The following ZNF236 variants were observed in gnomAD, a reference collection of about 807,000 sequenced individuals.
The protein encoded by ZNF236 is regulated by glucose.
A neutral mutation model predicts 191.2 loss-of-function variants in ZNF236; 50 were observed. The observed-to-expected ratio is 0.26, with a 90% CI of 0.21 to 0.33. ZNF236 has a LOEUF of 0.33. ZNF236 is among the 10% of genes least tolerant of loss of function. The pLI, the probability that ZNF236 is intolerant of heterozygous loss-of-function variation, is 1.00. For synonymous variants in ZNF236, 907 were observed against 928.8 expected (o/e 0.98, Z 0.43); for missense variants, 1,754 against 2,374.5 (o/e 0.74, Z 5.43).
chr18:76,916,136 G>A (rs552604715), intron 19 of ZNF236, among the ~76,000 whole-genome samples: 6 of 152,294 alleles, frequency 3.9e-5, no homozygotes, highest in South Asian at 2.1e-4. Flanking sequence ...ATGCTTGGGC[G>A]CGCATGTTGC....
At chr18:76,928,177 T>A in intron 25 of ZNF236, 71 bp downstream of exon 25, 1 of 1,261,926 alleles carries the variant, frequency 7.9e-7, no homozygotes, top group South Asian at 1.6e-5. Flanking sequence ...CTATCTCTTT[T>A]CCTACAATAC....
chr18:76,834,470 C>T (rs1975262526), intron 1 of ZNF236: 1 of 398,360 alleles, frequency 2.5e-6, no homozygotes, highest in East Asian at 6.5e-5. Context: ...TTATATTTGC[C>T]CTTTTACTTT....
intron 3 of ZNF236, among the ~76,000 whole-genome samples, chr18:76,857,797 A>G (rs1330353790): frequency 1.3e-5 from 2 of 152,188 alleles, no homozygotes; most frequent in East Asian, 1.9e-4. Flanking sequence ...GCTTATCATA[A>G]TGTGAAATTT....
chr18:76,879,840 A>G (rs1976827090), intron 7 of ZNF236, among the ~76,000 whole-genome samples: 1 of 152,164 alleles, frequency 6.6e-6, no homozygotes, highest in Non-Finnish European at 1.5e-5. Context: ...CAGGAAGGTG[A>G]GGGTTCACGT....
chr18:76,872,420 G>A (rs1212771054), intron 5 of ZNF236, among the ~76,000 whole-genome samples: 1 of 152,208 alleles, frequency 6.6e-6, no homozygotes, highest in Non-Finnish European at 1.5e-5. Context: ...AGCTATGATC[G>A]TGCCACTGCA....
chr18:76,829,825 G>A (rs190032341), intron 1 of ZNF236, among the ~76,000 whole-genome samples: 5 of 152,248 alleles, frequency 3.3e-5, no homozygotes, highest in East Asian at 1.9e-4. Flanking sequence ...GGCCTTCCCC[G>A]CACTGTCCTG....
chr18:76,915,524 G>T, intron 18 of ZNF236, 123 bp from the exon 19 acceptor site: 36 of 819,164 alleles, frequency 4.4e-5, no homozygotes, highest in South Asian at 7.6e-5. Context: ...ACCAAAGTCT[G>T]TTAAGCCTCA....
intron 26 of ZNF236, among the ~76,000 whole-genome samples, chr18:76,946,531 A>G (rs1351182000): frequency 1.3e-5 from 2 of 152,234 alleles, no homozygotes; most frequent in African/African-American, 4.8e-5. Context: ...ACAGGAGCCA[A>G]GAACATCAGC....
rs373892810 is a variant in ZNF236 at position 76,960,700 on chromosome 18, C to T, written c.5264C>T (p.Thr1755Met). 9.9e-6 allele frequency: 16 copies of T among 1,614,094 alleles called. No homozygotes were observed. The highest frequency in any genetic ancestry group is 2.7e-5 in the African/African-American group (2 of 74,936). ...IHTGERPFHCTLCEKAFNQKS... is the reference protein window; with the variant it reads ...IHTGERPFHCMLCEKAFNQKS... ...ACAGGGGAGCGGCCGTTCCATTGCA[C>T]GCTTTGTGAGAAAGCCTTCAACCAG... Residue 1755 changes from threonine (T) to methionine (M), a missense_variant, in exon 30 of 31, where the codon ACG becomes ATG. By Grantham distance (81) the Thr-to-Met change is moderately conservative. This residue lies in a region of ZNF236 where 606 missense variants were observed against 761.5 expected (regional missense o/e 0.80). Coordinates refer to ENST00000320610, the MANE Select transcript of ZNF236 (RefSeq NM_001306089.2). The surrounding 1 kb of genome is among the most constrained non-coding windows in gnomAD (Gnocchi z 4.4).
chr18:76,951,508 C>T (rs1362327669), intron 27 of ZNF236, among the ~76,000 whole-genome samples: 1 of 152,196 alleles, frequency 6.6e-6, no homozygotes, highest in East Asian at 1.9e-4. Context: ...GCTCCCTCAC[C>T]TCTCGGCCTT....
At chr18:76,951,552 G>C (rs1462735599) in intron 27 of ZNF236, among the ~76,000 whole-genome samples, 1 of 152,208 alleles carries the variant, frequency 6.6e-6, no homozygotes. Context: ...TCTTGCTCTG[G>C]ATTAGGCTTT....
At position 76,871,977 on chromosome 18, in the gene ZNF236, T is replaced by C. The variant is rs1196675595; in HGVS notation, c.667+152T>C. On this transcript the variant is annotated intron_variant, in intron 5 of 30. Transcript: ENST00000320610. ...ATTAGTTACTCTTTGTGTGATTTTA[T>C]TTCCTCACTTGAAAAATGTGGCTCT... 49 of 990,564 alleles carry C rather than the reference T, an allele frequency of 4.9e-5. No individual in the cohort carries two copies. The East Asian group carries it at 1.2e-3, about 24-fold the overall frequency. The allele number at this position is 990,564 out of a possible 1,614,324, so 61.4% of individuals were successfully genotyped here.
At chr18:76,930,630 A>T (rs1172250867) in intron 25 of ZNF236, among the ~76,000 whole-genome samples, 6 of 152,248 alleles carry the variant, frequency 3.9e-5, no homozygotes, top group African/African-American at 1.4e-4. Context: ...ATAGGAACAC[A>T]GCACACGGGA....
At chr18:76,906,677 G>A (rs1399083601) in intron 13 of ZNF236, among the ~76,000 whole-genome samples, 3 of 152,144 alleles carry the variant, frequency 2.0e-5, no homozygotes, top group Non-Finnish European at 4.4e-5. Context: ...CTGTAATTGC[G>A]GGGTCACCTT....
At chr18:76,966,588 G>T (rs1468270524) in intron 30 of ZNF236, among the ~76,000 whole-genome samples, 3 of 152,110 alleles carry the variant, frequency 2.0e-5, no homozygotes, top group South Asian at 4.2e-4. Flanking sequence ...TTTTCCTGCA[G>T]CATGCAGTTC....
At position 76,880,172 on chromosome 18, in the gene ZNF236, A is replaced by G; in HGVS notation, c.1044A>G (p.Ser348=). 1 of 1,614,150 alleles carries G rather than the reference A, an allele frequency of 6.2e-7. No homozygotes were observed. ...QQTEAQATSA[S]SQPSSQAVSD... is the part of the protein sequence containing the mutation. ...CGGAAGCCCAAGCCACGTCGGCCTC[A>G]AGCCAGCCGAGCTCCCAGGCGGTGA... Residue 348 remains serine (S), a synonymous_variant, in exon 8 of 31, where the codon TCA becomes TCG. Coordinates refer to ENST00000320610, the MANE Select transcript of ZNF236 (RefSeq NM_001306089.2). This position sits in a 1 kb window ranked among gnomAD's most constrained non-coding sequence, Gnocchi z 5.0.
intron 5 of ZNF236, among the ~76,000 whole-genome samples, chr18:76,873,626 G>C (rs1184493813): frequency 1.3e-5 from 2 of 152,190 alleles, no homozygotes; most frequent in African/African-American, 4.8e-5. Context: ...TGATGTGAGG[G>C]GGGTGACCAG....
rs745894686 is a variant in ZNF236 at position 76,895,245 on chromosome 18, C to T, written c.1650C>T (p.Ser550=). The change falls in exon 10 of 31, where the codon TCC becomes TCT. Residue 550 remains serine, a synonymous_variant. Coordinates refer to ENST00000320610, the MANE Select transcript of ZNF236 (RefSeq NM_001306089.2). ...GCCAGTACTGCATGAAGAGCTTCTC[C>T]ACCTCTGGCAGCCTCAAGGTGCACA... The part of the protein sequence containing the change: ...FKCQYCMKSF[S]TSGSLKVHIR... The T allele has an allele frequency of 1.3e-5, 21 of 1,599,790 alleles. No homozygotes were observed. Among genetic ancestry groups the T allele is most frequent in the Non-Finnish European group, 1.7e-5 (20 of 1,179,940 alleles).
At chr18:76,894,032 G>A (rs1977324580) in intron 9 of ZNF236, among the ~76,000 whole-genome samples, 4 of 152,190 alleles carry the variant, frequency 2.6e-5, no homozygotes, top group African/African-American at 9.7e-5. Context: ...TTTCATTAAT[G>A]TGGGAAATCT....
Sources: gnomAD v4.1 joint callset for allele counts (sites outside exome capture counted in the v4.1 genomes callset) on GRCh38, gnomAD v4.1.1 for gene constraint, gnomAD v4.1.1 regional missense constraint, Gnocchi (gnomAD v3.1) non-coding constraint, MANE v1.5 for transcripts, NCBI Gene and HGNC (gene_info 2026-07-23, HGNC 2026-07-21) for gene names.